The following CAST variants were observed in gnomAD, a reference collection of about 807,000 sequenced individuals.
CAST encodes the protein calpastatin, also known as MIR583 host.
A neutral mutation model predicts 119.6 loss-of-function variants in CAST; 76 were observed. That is an observed-to-expected ratio of 0.64 (90% CI 0.53 to 0.77). The LOEUF (loss-of-function observed/expected upper bound fraction) is 0.77, where lower values mean the gene tolerates loss of function less well. CAST is among the 30% of genes least tolerant of loss of function. CAST has a pLI of 0.00. For missense variants in CAST, 953 were observed against 946.5 expected (o/e 1.01, Z -0.09); for synonymous variants, 319 against 331.6 (o/e 0.96, Z 0.41).
intron 13 of CAST, 166 bp from the exon 14 acceptor site, chr5:96,741,100 G>A (rs746908250): frequency 4.0e-5 from 24 of 603,352 alleles, no homozygotes; most frequent in Non-Finnish European, 5.9e-5. Context: ...TCAATGAGTA[G>A]CCACTCTCTT....
chr5:96,655,058 T>TA (rs1393964321), intron 1 of CAST, among the ~76,000 whole-genome samples: 1 of 152,216 alleles, frequency 6.6e-6, no homozygotes, highest in Non-Finnish European at 1.5e-5. Context: ...ATTTTATAAA[T>TA]ACATTGTCCT....
At chr5:96,074,848 T>G in the CAST span, among the ~76,000 whole-genome samples, 1 of 152,246 alleles carries the variant, frequency 6.6e-6, no homozygotes, top group South Asian at 2.1e-4. Flanking sequence ...TTATGGGTTA[T>G]ACTTATTCTT....
the CAST span, among the ~76,000 whole-genome samples, chr5:96,380,016 G>A: frequency 6.6e-6 from 1 of 152,098 alleles, no homozygotes; most frequent in Non-Finnish European, 1.5e-5. Flanking sequence ...ACATGAGCTT[G>A]CCTAAAAGGA....
the CAST span, among the ~76,000 whole-genome samples, chr5:96,003,822 T>C: frequency 4.6e-5 from 7 of 152,228 alleles, no homozygotes; most frequent in Non-Finnish European, 4.4e-5. Flanking sequence ...TTCCCTTGTA[T>C]AGAACATTTT....
chr5:96,722,992 G>A (rs972313419), intron 4 of CAST, among the ~76,000 whole-genome samples: 1 of 152,000 alleles, frequency 6.6e-6, no homozygotes, highest in Non-Finnish European at 1.5e-5. Flanking sequence ...CACCTAGGCT[G>A]GAGTATAGTG....
At chr5:95,979,426 G>C in the CAST span, among the ~76,000 whole-genome samples, 2 of 152,154 alleles carry the variant, frequency 1.3e-5, no homozygotes, top group Non-Finnish European at 2.9e-5. Context: ...ATCAGTTCAG[G>C]ATAGAGGATA....
the CAST span, among the ~76,000 whole-genome samples, chr5:96,149,751 A>C: frequency 1.3e-5 from 2 of 152,236 alleles, no homozygotes; most frequent in African/African-American, 4.8e-5. Context: ...TGACATTAGC[A>C]TCATCAGCTA....
the CAST span, among the ~76,000 whole-genome samples, chr5:96,070,036 A>G: frequency 2.0e-5 from 3 of 152,262 alleles, no homozygotes; most frequent in Admixed American, 6.5e-5. Context: ...GTCTGAAGAC[A>G]GTCTGGAGAC....
chr5:96,062,514 G>T, the CAST span, among the ~76,000 whole-genome samples: 1 of 152,220 alleles, frequency 6.6e-6, no homozygotes, highest in East Asian at 1.9e-4. Context: ...GGGATCTGTG[G>T]GTTTAGAGGT....
chr5:96,728,417 T>C (rs1015892973), intron 6 of CAST: 1 of 152,064 alleles, frequency 6.6e-6, no homozygotes, highest in Non-Finnish European at 1.5e-5. Context: ...GGGTTTCTGG[T>C]GGTAAGATCT....
At chr5:96,668,782 T>C (rs1216826717) in intron 1 of CAST, among the ~76,000 whole-genome samples, 1 of 148,280 alleles carries the variant, frequency 6.7e-6, no homozygotes, top group African/African-American at 2.5e-5. Flanking sequence ...ACAAAGGGAG[T>C]GTAACATAGG....
chr5:96,608,136 C>G (rs934067244), intron 1 of CAST, among the ~76,000 whole-genome samples: 4 of 152,196 alleles, frequency 2.6e-5, no homozygotes, highest in Non-Finnish European at 5.9e-5. Flanking sequence ...CCAGTCTAGT[C>G]TAGTCTCTAC....
At chr5:96,413,004 C>T in the CAST span, 24 of 984,594 alleles carry the variant, frequency 2.4e-5, no homozygotes, top group East Asian at 1.1e-4. Context: ...GCCCAGTCTA[C>T]GCCACACAAG....
chr5:96,116,015 G>A, the CAST span, among the ~76,000 whole-genome samples: 1 of 151,128 alleles, frequency 6.6e-6, no homozygotes, highest in African/African-American at 2.4e-5. Flanking sequence ...GGTAATTGTA[G>A]ATAGCTATTA....
chr5:96,228,484 A>G, the CAST span, among the ~76,000 whole-genome samples: 1 of 152,072 alleles, frequency 6.6e-6, no homozygotes, highest in Non-Finnish European at 1.5e-5. Flanking sequence ...TTGTCTCTAC[A>G]TGAATAAATG....
the CAST span, among the ~76,000 whole-genome samples, chr5:96,457,757 G>T: frequency 1.1e-4 from 17 of 152,122 alleles, no homozygotes; most frequent in Non-Finnish European, 1.5e-4. Flanking sequence ...AGAATGAACC[G>T]TCACTGTCCT....
chr5:96,395,082 C>T, the CAST span: 3 of 1,290,596 alleles, frequency 2.3e-6, no homozygotes, highest in Non-Finnish European at 3.4e-6. Context: ...AAAACAAACT[C>T]ATTCAAAATA....
the CAST span, among the ~76,000 whole-genome samples, chr5:96,464,236 T>A: frequency 6.6e-6 from 1 of 152,076 alleles, no homozygotes; most frequent in African/African-American, 2.4e-5. Flanking sequence ...TCTAGCTTTT[T>A]AAAAAACTTA....
the CAST span, among the ~76,000 whole-genome samples, chr5:96,188,170 A>G: frequency 1.3e-5 from 2 of 152,230 alleles, no homozygotes; most frequent in African/African-American, 4.8e-5. Context: ...AGAGATTGAG[A>G]CACTAAATAC....
Sources: gnomAD v4.1 joint callset for allele counts (sites outside exome capture counted in the v4.1 genomes callset) on GRCh38, gnomAD v4.1.1 for gene constraint, MANE v1.5 for transcripts, NCBI Gene and HGNC (gene_info 2026-07-23, HGNC 2026-07-21) for gene names.